Variants in COL8A2 observed in about 807,000 individuals in gnomAD.
COL8A2 encodes the protein collagen alpha-2(VIII) chain.
In COL8A2, 16 loss-of-function variants were observed where a neutral mutation model predicts 24.0. That is an observed-to-expected ratio of 0.67 (90% CI 0.45 to 1.01). The LOEUF (loss-of-function observed/expected upper bound fraction) is 1.01. Ranked by LOEUF, COL8A2 falls within the 50% of genes least tolerant of loss-of-function variation. COL8A2 has a pLI of 0.00. For synonymous variants in COL8A2, 466 were observed against 424.5 expected (o/e 1.10, Z -1.20); for missense variants, 818 against 942.4 (o/e 0.87, Z 1.73).
Position 36,097,368 on chromosome 1 carries a change from G to A in COL8A2, c.*201C>T, listed in dbSNP as rs767111126. 49 of 589,412 alleles carry A rather than the reference G, an allele frequency of 8.3e-5. No individual in the cohort carries two copies. The highest frequency in any genetic ancestry group is 1.3e-4 in the Non-Finnish European group (43 of 331,980). The allele number at this position is 589,412 out of a possible 1,614,324, so 36.5% of individuals were successfully genotyped here. On this transcript the variant is annotated 3_prime_UTR_variant, in exon 4 of 4. Transcript: ENST00000397799. The stretch of plus-strand genomic sequence containing the variant: ...AGCCCTGACACTGCACAGACATTTG[G>A]GGGAAAGAAACTCAGGCCAGCCCCT...
At chr1:36,108,164 G>A (rs1217541415) in intron 2 of COL8A2, among the ~76,000 whole-genome samples, 1 of 152,252 alleles carries the variant, frequency 6.6e-6, no homozygotes, top group Non-Finnish European at 1.5e-5. Flanking sequence ...GGTCCAAGGG[G>A]CTCATCTGGG....
intron 2 of COL8A2, among the ~76,000 whole-genome samples, chr1:36,111,848 G>C (rs774758620): frequency 6.6e-6 from 1 of 151,926 alleles, no homozygotes; most frequent in Admixed American, 6.6e-5. Flanking sequence ...ACTATCAGCC[G>C]AGCATGTCCC....
At chr1:36,122,010 C>T (rs1016708114) in intron 1 of COL8A2, among the ~76,000 whole-genome samples, 1 of 152,188 alleles carries the variant, frequency 6.6e-6, no homozygotes, top group Non-Finnish European at 1.5e-5. Flanking sequence ...AATCCCAGCC[C>T]ATCCAGGCTG....
chr1:36,104,854 C>T (rs1455155533), intron 2 of COL8A2, among the ~76,000 whole-genome samples: 1 of 152,144 alleles, frequency 6.6e-6, no homozygotes, highest in Non-Finnish European at 1.5e-5. Context: ...AAACCTGCTT[C>T]TTGGGGCTGC....
At chr1:36,114,668 G>A (rs1165206317) in intron 2 of COL8A2, among the ~76,000 whole-genome samples, 2 of 152,190 alleles carry the variant, frequency 1.3e-5, no homozygotes, top group Non-Finnish European at 2.9e-5. Flanking sequence ...CCACCTGCAT[G>A]AAAGCACCTC....
At position 36,098,420 on chromosome 1, in the gene COL8A2, CA is replaced by C. The variant is rs1475826569; in HGVS notation, c.1260del (p.Gly421AspfsTer38). 6.3e-7 allele frequency: 1 copy of C among 1,581,912 alleles called. No homozygotes were observed. Among genetic ancestry groups the C allele is most frequent in the Non-Finnish European group, 8.6e-7 (1 of 1,164,484 alleles). Reference protein sequence around the residue: ...ERGLPGAHGPPGPTGPKGEPG... With the variant: ...ERGLPGAHGPXGPTGPKGEPG... ...GGCTCACCCTTGGGCCCAGTTGGTC[CA>C]GGGGGTCCATGGGCCCCAGGAAGTC... On this transcript the variant is annotated frameshift_variant, in exon 4 of 4. Transcript: ENST00000397799. LOFTEE classifies it high-confidence loss of function.
Position 36,098,038 on chromosome 1 carries a change from T to C in COL8A2, c.1643A>G (p.Asn548Ser). The change falls in exon 4 of 4, where the codon AAC becomes AGC. Residue 548 changes from asparagine (N) to serine (S), a missense_variant. Around this residue, in one of 3 missense-constraint regions of COL8A2, gnomAD observed 235 missense variants for 297.3 expected, o/e 0.79. Coordinates refer to ENST00000397799, the MANE Select transcript of COL8A2 (RefSeq NM_005202.4). Reference sequence around the variant, plus strand: ...CAGCACGGCACCCTCCACACCGCCGTTGGGCAGGTGCAAGCCTGCGATGCC... The same window carrying C: ...CAGCACGGCACCCTCCACACCGCCGCTGGGCAGGTGCAAGCCTGCGATGCC... ...ETGIAGLHLP[N>S]GGVEGAVLGK... 3 of 1,592,650 alleles carry C rather than the reference T, an allele frequency of 1.9e-6. No individual in the cohort carries two copies. The highest frequency in any genetic ancestry group is 2.6e-6 in the Non-Finnish European group (3 of 1,174,058).
chr1:36,100,353 T>A, intron 2 of COL8A2, 95 bp from the exon 3 acceptor site: 1 of 1,088,510 alleles, frequency 9.2e-7, no homozygotes, highest in Non-Finnish European at 1.3e-6. Context: ...GAGATTACAC[T>A]GGAGATTTCA....
intron 2 of COL8A2, among the ~76,000 whole-genome samples, chr1:36,102,865 G>C (rs1298748683): frequency 2.6e-5 from 4 of 151,836 alleles, no homozygotes; most frequent in Non-Finnish European, 4.4e-5. Flanking sequence ...TAAAGATGGG[G>C]TTTCACCATG....
Position 36,098,765 on chromosome 1 carries a change from G to A in COL8A2, c.916C>T (p.Pro306Ser). ...GAKGEPGTRG[P>S]PGLIGPTGYG... ...CCAGTGGGGCCTATCAGCCCAGGGG[G>A]GCCCCGGGTCCCTGGCTCCCCTTTG... Residue 306 changes from proline to serine, a missense_variant, in exon 4 of 4, where the codon CCC becomes TCC. Physicochemically the swap from Pro to Ser is moderately conservative, Grantham distance 74. This residue lies in a region of COL8A2 where 573 missense variants were observed against 616.8 expected (regional missense o/e 0.93). Coordinates refer to ENST00000397799, the MANE Select transcript of COL8A2 (RefSeq NM_005202.4). 6.2e-7 allele frequency: 1 copy of A among 1,612,040 alleles called. No homozygotes were observed.
At chr1:36,099,686 C>G (rs1173076777) in intron 3 of COL8A2, among the ~76,000 whole-genome samples, 199 bp from the exon 4 acceptor site, 1 of 152,096 alleles carries the variant, frequency 6.6e-6, no homozygotes, top group Non-Finnish European at 1.5e-5. Flanking sequence ...CTTAAGGGCT[C>G]CTAACACCCA....
At chr1:36,120,216 G>A (rs1643900476) in intron 1 of COL8A2, among the ~76,000 whole-genome samples, 1 of 152,190 alleles carries the variant, frequency 6.6e-6, no homozygotes, top group Admixed American at 6.5e-5. Flanking sequence ...CCTTTTGGGA[G>A]GCTCAGGCGG....
chr1:36,108,769 C>T (rs1345881331), intron 2 of COL8A2, among the ~76,000 whole-genome samples: 1 of 152,126 alleles, frequency 6.6e-6, no homozygotes, highest in East Asian at 1.9e-4. Context: ...TGGCAAGAAG[C>T]AGACCCCTTC....
Position 36,097,925 on chromosome 1 carries a change from G to A in COL8A2, c.1756C>T (p.Pro586Ser), listed in dbSNP as rs1447552134. 8 of 1,611,326 alleles carry A rather than the reference G, an allele frequency of 5.0e-6. No homozygotes were observed. The highest frequency in any genetic ancestry group is 6.8e-6 in the Non-Finnish European group (8 of 1,179,814). ...AATTTCACGGGCATGCCCGAGGCGG[G>A]GAAGGGCGAGGTGAGCACCGCAGTG... ...AFTAVLTSPFPASGMPVKFDR... is the reference protein window; with the variant it reads ...AFTAVLTSPFSASGMPVKFDR... The change falls in exon 4 of 4, where the codon CCC (proline) becomes TCC (serine). Residue 586 changes from proline to serine, a missense_variant. This residue lies in a region of COL8A2 where 235 missense variants were observed against 297.3 expected (regional missense o/e 0.79). Transcript: ENST00000397799.
chr1:36,108,142 G>A (rs1435597059), intron 2 of COL8A2, among the ~76,000 whole-genome samples: 1 of 152,250 alleles, frequency 6.6e-6, no homozygotes, highest in Non-Finnish European at 1.5e-5. Flanking sequence ...CACCCAGGGA[G>A]TCCATTCCCC....
At chr1:36,120,244 A>G (rs1467897644) in intron 1 of COL8A2, among the ~76,000 whole-genome samples, 2 of 152,336 alleles carry the variant, frequency 1.3e-5, no homozygotes, top group East Asian at 3.9e-4. Flanking sequence ...ACTTGAGGTC[A>G]GGAGTTCAAG....
intron 2 of COL8A2, among the ~76,000 whole-genome samples, chr1:36,110,654 G>A (rs951243408): frequency 1.3e-4 from 20 of 152,160 alleles, no homozygotes; most frequent in African/African-American, 4.6e-4. Flanking sequence ...ATCACACCCA[G>A]CTATTTTTTG....
chr1:36,124,643 C>CG (rs910119056), intron 1 of COL8A2, among the ~76,000 whole-genome samples: 2 of 151,934 alleles, frequency 1.3e-5, no homozygotes, highest in Non-Finnish European at 2.9e-5. Context: ...GGAGTGAGAG[C>CG]GGGGGGATGC....
At chr1:36,124,994 A>G in intron 1 of COL8A2, 63 bp downstream of exon 1, 1 of 660,914 alleles carries the variant, frequency 1.5e-6, no homozygotes, top group Non-Finnish European at 1.9e-6. Context: ...GGGGAAGCCC[A>G]GCCCAGGTCT....
Sources: allele counts gnomAD v4.1 joint callset (sites outside exome capture counted in the v4.1 genomes callset), GRCh38; gene constraint gnomAD v4.1.1; regional missense constraint gnomAD v4.1.1; transcripts MANE v1.5; gene names NCBI Gene and HGNC (gene_info 2026-07-23, HGNC 2026-07-21).